Variants in FER observed in about 807,000 individuals in gnomAD.
FER encodes the protein FER tyrosine kinase.
A neutral mutation model predicts 111.0 loss-of-function variants in FER; 63 were observed. The observed-to-expected ratio is 0.57, with a 90% CI of 0.46 to 0.70. FER has a LOEUF of 0.70. Among genes scored for constraint, FER ranks in the 30% least tolerant of loss-of-function variants. The pLI, the probability that FER is intolerant of heterozygous loss-of-function variation, is 0.00. For missense variants in FER, 914 were observed against 954.0 expected, an observed-to-expected ratio of 0.96 and a Z score of 0.55; for synonymous variants, 327 against 313.9, an observed-to-expected ratio of 1.04 and a Z score of -0.44.
At chr5:109,011,335 C>A (rs575259235) in intron 13 of FER, among the ~76,000 whole-genome samples, 1 of 152,162 alleles carries the variant, frequency 6.6e-6, no homozygotes, top group Admixed American at 6.5e-5. Context: ...AACGGAGGAC[C>A]TCTAATGTTT....
Position 109,143,619 on chromosome 5 carries a change from C to G in FER, c.2049-37128C>G, listed in dbSNP as rs1332937647. On this transcript the variant is annotated intron_variant, in intron 17 of 19. Transcript: ENST00000281092. The stretch of plus-strand genomic sequence containing the variant: ...ATTATACTCTGTCCCCGAACCTCCT[C>G]TATTTTTTCTAAAAACAGATATAAC... 2.6e-5 allele frequency among the ~76,000 whole-genome samples: 4 copies of G among 152,046 alleles called. No homozygotes were observed. The East Asian group carries it at 7.7e-4, about 29-fold the overall frequency.
chr5:109,054,960 A>G (rs10477433), intron 16 of FER, among the ~76,000 whole-genome samples: 8,105 of 152,236 alleles, frequency 0.053, 262 homozygotes, highest in South Asian at 0.083. Context: ...CTCCATGCCA[A>G]TACCACAATG....
chr5:109,186,513 G>C lies in FER; in HGVS notation c.2326+191G>C, dbSNP rs142094273. 2.3e-3 allele frequency among the ~76,000 whole-genome samples: 350 copies of C among 152,260 alleles called. 1 individual carries two copies. The highest frequency in any genetic ancestry group is 7.9e-3 in the African/African-American group (328 of 41,554). On this transcript the variant is annotated intron_variant, in intron 19 of 19. Coordinates refer to ENST00000281092, the MANE Select transcript of FER (RefSeq NM_005246.4). ...CAAACACTTTGAAGGATTTCAATGC[G>C]AGAGAGAGGTATATAGGCTTTTCTT...
At position 108,933,650 on chromosome 5, in the gene FER, G is replaced by C. The variant is rs570196451; in HGVS notation, c.1237-12480G>C. Among the ~76,000 whole-genome samples, 11 of 152,232 alleles carry C rather than the reference G, an allele frequency of 7.2e-5. No individual in the cohort carries two copies. The East Asian group carries it at 1.9e-3, about 27-fold the overall frequency. ...CTATGAAGAAAGTCAATGGTAACTT[G>C]ATGCGGATAGCATTGAAGCACTGAA... is the stretch of plus-strand genomic sequence containing the variant. On this transcript the variant is annotated intron_variant, in intron 10 of 19. Transcript: ENST00000281092.
At chr5:109,016,380 G>T (rs2149816748) in intron 13 of FER, among the ~76,000 whole-genome samples, 1 of 152,076 alleles carries the variant, frequency 6.6e-6, no homozygotes, top group Non-Finnish European at 1.5e-5. Flanking sequence ...ACTTCACTGT[G>T]TATCAGCCAC....
rs1176489220 is a variant in FER, at chr5:109,167,062, T to G, written c.2049-13685T>G. On this transcript the variant is annotated intron_variant, in intron 17 of 19. Coordinates refer to ENST00000281092, the MANE Select transcript of FER (RefSeq NM_005246.4). ...CCTTCAAACTTGAAATTTTCAATAT[T>G]GCAATTTATGGGTTTGCATAACTAT... 2.0e-5 allele frequency among the ~76,000 whole-genome samples: 3 copies of G among 152,168 alleles called. No homozygotes were observed. The East Asian group carries it at 5.8e-4, about 29-fold the overall frequency.
chr5:108,770,207 C>T (rs985444998), intron 2 of FER, among the ~76,000 whole-genome samples: 1 of 152,164 alleles, frequency 6.6e-6, no homozygotes, highest in African/African-American at 2.4e-5. Context: ...CTTGGTGTCC[C>T]AAAGTGCCGG....
intron 17 of FER, among the ~76,000 whole-genome samples, chr5:109,104,713 A>G (rs1748668907): frequency 6.6e-6 from 1 of 152,166 alleles, no homozygotes; most frequent in Non-Finnish European, 1.5e-5. Flanking sequence ...AAAAATGTAT[A>G]ATCTCATGAA....
intron 13 of FER, among the ~76,000 whole-genome samples, chr5:109,021,053 G>C (rs1767857511): frequency 6.6e-6 from 1 of 151,888 alleles, no homozygotes. Context: ...TTCATATTAA[G>C]TAGAATAATT....
At chr5:109,038,794 TA>T in intron 14 of FER, among the ~76,000 whole-genome samples, 1 of 152,082 alleles carries the variant, frequency 6.6e-6, no homozygotes, top group East Asian at 1.9e-4. Context: ...TTTACTGAAA[TA>T]AAGGCAGAAT....
chr5:108,748,156 T>C (rs1750003524), intron 1 of FER, among the ~76,000 whole-genome samples, 156 bp downstream of exon 1: 1 of 152,202 alleles, frequency 6.6e-6, no homozygotes, highest in Admixed American at 6.5e-5. Flanking sequence ...GGACTCAGAG[T>C]AAACTGGAGT....
intron 16 of FER, among the ~76,000 whole-genome samples, chr5:109,087,289 C>T (rs1331974568): frequency 1.3e-5 from 2 of 151,656 alleles, no homozygotes; most frequent in Non-Finnish European, 3.0e-5. Flanking sequence ...TGTTTAATTG[C>T]CATGCACATG....
At chr5:109,118,714 T>G (rs1271813276) in intron 17 of FER, among the ~76,000 whole-genome samples, 4 of 152,184 alleles carry the variant, frequency 2.6e-5, no homozygotes, top group Non-Finnish European at 5.9e-5. Context: ...GGGATTCAGT[T>G]TCTTCCTTGT....
chr5:108,760,383 T>G (rs1192814344), intron 1 of FER, among the ~76,000 whole-genome samples: 1 of 152,098 alleles, frequency 6.6e-6, no homozygotes, highest in Non-Finnish European at 1.5e-5. Flanking sequence ...ATAACAAGAG[T>G]CAGTCTGTCC....
rs1758729632 is a variant in FER, at chr5:108,820,561, T to G, written c.208-12209T>G. The G allele has an allele frequency of 1.1e-5, 11 of 983,512 alleles. No individual in the cohort carries two copies. The South Asian group carries it at 5.2e-4, about 46-fold the overall frequency. The allele number at this position is 983,512 out of a possible 1,614,324, so 60.9% of individuals were successfully genotyped here. A position where few individuals can be genotyped will look rare whatever the true frequency, so the allele number is the denominator to read the frequency against. On this transcript the variant is annotated intron_variant, in intron 3 of 19. Coordinates refer to ENST00000281092, the MANE Select transcript of FER (RefSeq NM_005246.4). ...TCTTAATTTCTTTTCTGGCCTGTTC[T>G]GTGTTTAGATACTTAGATTTACCTT...
intron 10 of FER, among the ~76,000 whole-genome samples, chr5:108,923,389 C>A (rs1753293511): frequency 6.6e-6 from 1 of 152,008 alleles, no homozygotes; most frequent in Non-Finnish European, 1.5e-5. Flanking sequence ...GAGCCAAAGA[C>A]TTTAAAGAAG....
At chr5:108,992,806 C>G (rs1329090907) in intron 13 of FER, among the ~76,000 whole-genome samples, 2 of 151,060 alleles carry the variant, frequency 1.3e-5, no homozygotes, top group Non-Finnish European at 1.5e-5. Context: ...GGCAGAGGGT[C>G]TCCTCACTTC....
intron 8 of FER, among the ~76,000 whole-genome samples, chr5:108,881,051 C>T (rs1042733626): frequency 6.6e-6 from 1 of 152,124 alleles, no homozygotes; most frequent in African/African-American, 2.4e-5. Context: ...CTTCTTTGGA[C>T]TTAAATCACT....
At chr5:108,780,584 G>C (rs1436739671) in intron 2 of FER, among the ~76,000 whole-genome samples, 7 of 151,660 alleles carry the variant, frequency 4.6e-5, no homozygotes, top group Non-Finnish European at 1.0e-4. Flanking sequence ...GATAAGCCTA[G>C]GTGTAGTTTT....
Sources: allele counts gnomAD v4.1 joint callset (sites outside exome capture counted in the v4.1 genomes callset), GRCh38; gene constraint gnomAD v4.1.1; transcripts MANE v1.5; gene names NCBI Gene and HGNC (gene_info 2026-07-23, HGNC 2026-07-21).